The following CDH23 variants were observed in gnomAD, a reference collection of about 807,000 sequenced individuals.
CDH23 encodes the protein cadherin-23.
In CDH23, 189 loss-of-function variants were observed where a neutral mutation model predicts 317.1. The observed-to-expected ratio is 0.60, with a 90% CI of 0.53 to 0.67. The LOEUF is 0.67. Ranked by LOEUF, CDH23 falls within the 30% of genes least tolerant of loss-of-function variation. The probability of loss-of-function intolerance (pLI) is 0.00; values close to 1 mark genes in which losing one functional copy is unlikely to be tolerated. For synonymous variants in CDH23, 1,839 were observed against 1,876.8 expected (o/e 0.98, Z 0.52); for missense variants, 4,401 against 4,592.4 (o/e 0.96, Z 1.20).
intron 38 of CDH23, among the ~76,000 whole-genome samples, chr10:71,754,187 C>G (rs930027152): frequency 1.3e-5 from 2 of 152,162 alleles, no homozygotes; most frequent in Non-Finnish European, 2.9e-5. Flanking sequence ...GTTCCAAGCC[C>G]TTTACCTGCC....
At chr10:71,553,488 C>T (rs767243405) in intron 6 of CDH23, among the ~76,000 whole-genome samples, 5 of 152,174 alleles carry the variant, frequency 3.3e-5, no homozygotes, top group Non-Finnish European at 1.5e-5. Context: ...ACCAGGCCTA[C>T]CCCACCACAC....
chr10:71,693,080 TG>T (rs1293770705), intron 20 of CDH23, among the ~76,000 whole-genome samples: 2 of 152,246 alleles, frequency 1.3e-5, no homozygotes, highest in African/African-American at 4.8e-5. Context: ...CTTCACCACG[TG>T]GGTGCTCTCC....
At chr10:71,540,119 G>A (rs190001418) in intron 6 of CDH23, among the ~76,000 whole-genome samples, 19 of 152,304 alleles carry the variant, frequency 1.2e-4, no homozygotes, top group African/African-American at 4.1e-4. Context: ...TGGGGCATAG[G>A]CCATCTCAGA....
At chr10:71,753,093 A>G in intron 38 of CDH23, 2 of 1,488,132 alleles carry the variant, frequency 1.3e-6, no homozygotes, top group South Asian at 2.4e-5. Context: ...CCTGCAGGGA[A>G]CAGGAGCGAG....
intron 11 of CDH23, among the ~76,000 whole-genome samples, chr10:71,636,665 G>A (rs1010000860): frequency 6.6e-6 from 1 of 152,198 alleles, no homozygotes; most frequent in Non-Finnish European, 1.5e-5. Context: ...ACAGACTCCT[G>A]ACCTCAGGCC....
chr10:71,452,483 G>A (rs910309350), intron 3 of CDH23, among the ~76,000 whole-genome samples: 3 of 152,104 alleles, frequency 2.0e-5, no homozygotes, highest in Non-Finnish European at 2.9e-5. Flanking sequence ...CCTCAACCAT[G>A]CTGTTTCCTT....
intron 6 of CDH23, among the ~76,000 whole-genome samples, chr10:71,539,738 C>G (rs1335010501): frequency 1.3e-5 from 2 of 151,856 alleles, no homozygotes; most frequent in Non-Finnish European, 2.9e-5. Context: ...CTCTCCATAC[C>G]TGTTTCTCTT....
intron 2 of CDH23, among the ~76,000 whole-genome samples, chr10:71,442,321 T>C (rs1849928181): frequency 6.6e-6 from 1 of 152,204 alleles, no homozygotes; most frequent in South Asian, 2.1e-4. Context: ...CAGCCAGTGC[T>C]GTTCCTTTGG....
chr10:71,683,824 G>A (rs940759145), intron 18 of CDH23, among the ~76,000 whole-genome samples: 2 of 151,976 alleles, frequency 1.3e-5, no homozygotes, highest in Admixed American at 6.6e-5. Context: ...GGCTGGGCGC[G>A]GTAATCCCAG....
intron 13 of CDH23, among the ~76,000 whole-genome samples, 191 bp from the exon 14 acceptor site, chr10:71,646,268 C>A (rs1041881956): frequency 2.6e-5 from 4 of 152,222 alleles, no homozygotes; most frequent in Admixed American, 2.0e-4. Context: ...CTCCTCCTGC[C>A]CTAGCAGAAT....
chr10:71,565,094 G>A (rs941380558), intron 6 of CDH23, among the ~76,000 whole-genome samples: 7 of 152,118 alleles, frequency 4.6e-5, no homozygotes, highest in Middle Eastern at 3.2e-3. Flanking sequence ...GAAGTGTTTC[G>A]TTCTGGATTC....
chr10:71,490,257 T>C (rs1326349978), intron 3 of CDH23, among the ~76,000 whole-genome samples: 1 of 152,254 alleles, frequency 6.6e-6, no homozygotes, highest in Non-Finnish European at 1.5e-5. Context: ...TTTTATCTGC[T>C]ATTTTCAGTT....
At chr10:71,602,813 C>A (rs554267157) in intron 9 of CDH23, among the ~76,000 whole-genome samples, 1 of 152,206 alleles carries the variant, frequency 6.6e-6, no homozygotes. Context: ...CCTTATCTCA[C>A]TGAACCTCTA....
chr10:71,765,558 G>A lies in CDH23; in HGVS notation c.4846-12122G>A, dbSNP rs536464126. 4.8e-4 allele frequency among the ~76,000 whole-genome samples: 73 copies of A among 152,330 alleles called. 1 individual carries two copies. The South Asian group carries it at 0.015, about 30-fold the overall frequency. On this transcript the variant is annotated intron_variant, in intron 38 of 69. Transcript: ENST00000224721. ...GAGCCCTCAGGGTCTAAGCAATGGG[G>A]TTAATGACCCCAGGATTGTACCCAT...
intron 6 of CDH23, among the ~76,000 whole-genome samples, chr10:71,534,398 A>G (rs1053740242): frequency 6.6e-6 from 1 of 152,116 alleles, no homozygotes; most frequent in Non-Finnish European, 1.5e-5. Context: ...CACTGCGGAG[A>G]AAAACTTCCC....
chr10:71,753,321 A>C (rs1441672716), intron 38 of CDH23, among the ~76,000 whole-genome samples: 2 of 152,354 alleles, frequency 1.3e-5, no homozygotes, highest in East Asian at 3.9e-4. Flanking sequence ...GGCTTGACTT[A>C]CACAGTGTCA....
intron 11 of CDH23, among the ~76,000 whole-genome samples, chr10:71,624,663 G>A (rs1265327372): frequency 6.6e-6 from 1 of 152,110 alleles, no homozygotes; most frequent in Non-Finnish European, 1.5e-5. Context: ...TTGCACGGCT[G>A]CACTCCAGCC....
At chr10:71,646,104 T>A in intron 13 of CDH23, 124 bp downstream of exon 13, 1 of 1,301,988 alleles carries the variant, frequency 7.7e-7, no homozygotes, top group Non-Finnish European at 1.1e-6. Context: ...CTTGTGGATC[T>A]GACTCAGATA....
intron 14 of CDH23, among the ~76,000 whole-genome samples, chr10:71,663,231 G>A (rs1380749776): frequency 6.6e-6 from 1 of 152,196 alleles, no homozygotes; most frequent in African/African-American, 2.4e-5. Flanking sequence ...GTAGTGACAG[G>A]GACATGTTGA....
Sources: allele counts gnomAD v4.1 joint callset (sites outside exome capture counted in the v4.1 genomes callset), GRCh38; gene constraint gnomAD v4.1.1; transcripts MANE v1.5; gene names NCBI Gene and HGNC (gene_info 2026-07-23, HGNC 2026-07-21).